Variants in NF1 observed in about 807,000 individuals in gnomAD.
NF1 encodes neurofibromin 1.
In NF1, 122 loss-of-function variants were observed where a neutral mutation model predicts 325.7. The observed-to-expected ratio is 0.37, with a 90% CI of 0.32 to 0.44. NF1 has a LOEUF of 0.44. Ranked by LOEUF, NF1 falls within the 20% of genes least tolerant of loss-of-function variation. NF1 has a pLI of 1.00. For synonymous variants in NF1, 1,091 were observed against 1,186.0 expected (o/e 0.92, Z 1.65); for missense variants, 2,140 against 3,415.4 (o/e 0.63, Z 9.31).
At chr17:31,109,139 C>T (rs555145086) in intron 1 of NF1, among the ~76,000 whole-genome samples, 9 of 152,202 alleles carry the variant, frequency 5.9e-5, no homozygotes, top group Admixed American at 1.3e-4. Context: ...TTTACCCACT[C>T]TTGGATTTTG....
Position 31,095,209 on chromosome 17 carries a change from C to A in NF1, c.-101C>A, listed in dbSNP as rs1911533917. 1.8e-6 allele frequency: 2 copies of A among 1,121,628 alleles called. No homozygotes were observed. The highest frequency in any genetic ancestry group is 1.3e-5 in the South Asian group (1 of 75,644). The allele number at this position is 1,121,628 out of a possible 1,614,324, so 69.5% of individuals were successfully genotyped here. Reference sequence around the variant, plus strand: ...GGAGCCTGCACTCCACAGACCCTCTCCTTGCCTCTTCCCTCACCTCAGCCT... The same window carrying A: ...GGAGCCTGCACTCCACAGACCCTCTACTTGCCTCTTCCCTCACCTCAGCCT... On this transcript the variant is annotated 5_prime_UTR_variant, in exon 1 of 58. Transcript: ENST00000358273.
intron 8 of NF1, among the ~76,000 whole-genome samples, chr17:31,188,509 CTTTA>C (rs1400501090): frequency 1.3e-5 from 2 of 152,048 alleles, no homozygotes; most frequent in Admixed American, 6.6e-5. Context: ...ACTTTATTGT[CTTTA>C]TTTAAAGATT....
At chr17:31,279,929 A>G (rs1047193044) in intron 36 of NF1, among the ~76,000 whole-genome samples, 2 of 152,180 alleles carry the variant, frequency 1.3e-5, no homozygotes, top group Admixed American at 1.3e-4. Context: ...TTTAATTTTA[A>G]AAAGATGCTC....
chr17:31,156,383 CTCCT>C (rs2065662995), intron 2 of NF1, among the ~76,000 whole-genome samples: 1 of 152,176 alleles, frequency 6.6e-6, no homozygotes, highest in South Asian at 2.1e-4. Context: ...TTAGAAACAT[CTCCT>C]ATCTTTTGTG....
chr17:31,161,765 A>G (rs1210408766), intron 3 of NF1, among the ~76,000 whole-genome samples: 1 of 152,132 alleles, frequency 6.6e-6, no homozygotes. Context: ...GCCGGGCACC[A>G]TGGCTCACGC....
chr17:31,260,792 G>A (rs540790125), intron 34 of NF1, among the ~76,000 whole-genome samples: 1 of 152,238 alleles, frequency 6.6e-6, no homozygotes, highest in African/African-American at 2.4e-5. Context: ...ATGGCTTGCA[G>A]ATTGTTATAG....
intron 25 of NF1, 52 bp downstream of exon 25, chr17:31,232,241 A>G: frequency 9.1e-7 from 1 of 1,100,014 alleles, no homozygotes; most frequent in South Asian, 1.3e-5. Context: ...AAAGCCCCCC[A>G]CCACACAAAA....
chr17:31,258,920 T>C, intron 32 of NF1, 112 bp from the exon 33 acceptor site: 1 of 688,926 alleles, frequency 1.5e-6, no homozygotes, highest in Non-Finnish European at 2.5e-6. Context: ...GATTTTTAAG[T>C]ACTAGCAGAA....
chr17:31,237,991 A>G (rs1180334520), intron 29 of NF1, among the ~76,000 whole-genome samples: 2 of 151,564 alleles, frequency 1.3e-5, no homozygotes, highest in Non-Finnish European at 2.9e-5. Context: ...CAGCTCTTAG[A>G]TCCATCAGAG....
chr17:31,267,822 C>T (rs1433778425), intron 36 of NF1, among the ~76,000 whole-genome samples: 1 of 152,204 alleles, frequency 6.6e-6, no homozygotes, highest in African/African-American at 2.4e-5. Context: ...ATCATCATCC[C>T]TTCTAGTTCC....
intron 1 of NF1, among the ~76,000 whole-genome samples, chr17:31,130,083 T>G (rs1915234766): frequency 6.9e-6 from 1 of 145,646 alleles, no homozygotes; most frequent in South Asian, 2.2e-4. Context: ...TGTTTTTTTT[T>G]GTTTTTTTTT....
intron 8 of NF1, among the ~76,000 whole-genome samples, chr17:31,184,377 C>T (rs996052027): frequency 1.3e-5 from 2 of 152,092 alleles, no homozygotes; most frequent in South Asian, 2.1e-4. Context: ...GGGCCGGGCG[C>T]GGTGGCTCAC....
chr17:31,360,377 A>G, intron 56 of NF1, 110 bp from the exon 57 acceptor site: 1 of 923,168 alleles, frequency 1.1e-6, no homozygotes, highest in Non-Finnish European at 1.7e-6. Context: ...TAAGTAATAC[A>G]AAGGAAGAAA....
chr17:31,269,503 C>T (rs531417378), intron 36 of NF1, among the ~76,000 whole-genome samples: 1 of 152,290 alleles, frequency 6.6e-6, no homozygotes, highest in East Asian at 1.9e-4. Flanking sequence ...TTGCTTGTTA[C>T]AAGTGACAGA....
At chr17:31,148,038 C>T (rs1412658475) in intron 1 of NF1, among the ~76,000 whole-genome samples, 1 of 152,112 alleles carries the variant, frequency 6.6e-6, no homozygotes, top group Non-Finnish European at 1.5e-5. Context: ...GCAGAAGATC[C>T]CCTTACCTCA....
Position 31,229,719 on chromosome 17 carries a change from T to G in NF1, c.2851-116T>G. 4 of 1,323,812 alleles carry G rather than the reference T, an allele frequency of 3.0e-6. No individual in the cohort carries two copies. In the South Asian group the frequency reaches 4.7e-5, roughly 16 times the overall value. 82.0% of individuals were successfully genotyped at this position (1,323,812 alleles called of 1,614,324 possible). A position where few individuals can be genotyped will look rare whatever the true frequency, so the allele number is the denominator to read the frequency against. ...GCGTATATCTGTATGCTTATTTGGC[T>G]CTATGCCTGTGGGTGCACTTACTCT... is the stretch of plus-strand genomic sequence containing the variant. On this transcript the variant is annotated intron_variant, in intron 21 of 57. Transcript: ENST00000358273.
At chr17:31,322,839 C>T (rs1261324491) in intron 36 of NF1, among the ~76,000 whole-genome samples, 2 of 152,078 alleles carry the variant, frequency 1.3e-5, no homozygotes, top group Non-Finnish European at 2.9e-5. Flanking sequence ...TCATGTTGGT[C>T]CTTCCTTCAT....
At chr17:31,208,301 A>G (rs893033453) in intron 12 of NF1, among the ~76,000 whole-genome samples, 3 of 152,194 alleles carry the variant, frequency 2.0e-5, no homozygotes, top group Admixed American at 2.0e-4. Flanking sequence ...CATAATGACT[A>G]AAGGACAGCT....
chr17:31,156,457 TA>T (rs1274620991), intron 2 of NF1, among the ~76,000 whole-genome samples: 5 of 152,210 alleles, frequency 3.3e-5, no homozygotes, highest in Non-Finnish European at 5.9e-5. Context: ...TTTTGTGGCC[TA>T]CACGAATTGA....
Sources: gnomAD v4.1 joint callset for allele counts (sites outside exome capture counted in the v4.1 genomes callset) on GRCh38, gnomAD v4.1.1 for gene constraint, MANE v1.5 for transcripts, NCBI Gene and HGNC (gene_info 2026-07-23, HGNC 2026-07-21) for gene names.